Variants in RFX3 observed in about 807,000 individuals in gnomAD.
RFX3 encodes the protein regulatory factor X3.
A neutral mutation model predicts 98.6 loss-of-function variants in RFX3; 14 were observed. That is an observed-to-expected ratio of 0.14 (90% confidence interval 0.09 to 0.22). The LOEUF (loss-of-function observed/expected upper bound fraction) is 0.22. Ranked by LOEUF, RFX3 falls within the 10% of genes least tolerant of loss-of-function variation. The pLI, the probability that RFX3 is intolerant of heterozygous loss-of-function variation, is 1.00. For synonymous variants in RFX3, 383 were observed against 328.4 expected (o/e 1.17, Z -1.80); for missense variants, 639 against 926.9 (o/e 0.69, Z 4.03).
intron 15 of RFX3, among the ~76,000 whole-genome samples, chr9:3,237,203 TA>T (rs1819281071): frequency 6.6e-6 from 1 of 152,236 alleles, no homozygotes; most frequent in African/African-American, 2.4e-5. Context: ...TTTTCTTTTC[TA>T]ATTGACTTGT....
rs1824413224 is a variant in RFX3 at position 3,271,389 on chromosome 9, C to G, written c.1087-271G>C. On this transcript the variant is annotated intron_variant, in intron 9 of 16. Coordinates refer to ENST00000617270, the MANE Select transcript of RFX3 (RefSeq NM_001282116.2). Reference sequence around the variant, plus strand: ...ATTCATGCCACCCTCACTTCTACCTCTTTTTTCTTCCATTTTTCATTTTTG... The same window carrying G: ...ATTCATGCCACCCTCACTTCTACCTGTTTTTTCTTCCATTTTTCATTTTTG... Among the ~76,000 whole-genome samples the G allele has an allele frequency of 2.0e-5, 3 of 151,992 alleles. No homozygotes were observed. In the South Asian group the frequency reaches 6.2e-4, roughly 32 times the overall value.
At chr9:3,363,222 T>A (rs1474795437) in intron 2 of RFX3, among the ~76,000 whole-genome samples, 1 of 152,180 alleles carries the variant, frequency 6.6e-6, no homozygotes, top group Non-Finnish European at 1.5e-5. Flanking sequence ...GAGAGTTCTT[T>A]GTAACAGGAG....
At chr9:3,293,515 T>C (rs1233438044) in intron 5 of RFX3, among the ~76,000 whole-genome samples, 1 of 152,164 alleles carries the variant, frequency 6.6e-6, no homozygotes, top group Non-Finnish European at 1.5e-5. Context: ...GACATACTAA[T>C]TTTCCCTGTA....
chr9:3,377,621 T>C lies in RFX3; in HGVS notation c.117+17851A>G, dbSNP rs187572104. Among the ~76,000 whole-genome samples the C allele has an allele frequency of 2.4e-3, 371 of 152,292 alleles. 3 individuals carry two copies. The highest frequency in any genetic ancestry group is 0.021 in the South Asian group (100 of 4,826). ...AAAGAATATATGTTGTATGACATCA[T>C]TTATTGGAAATTCAAATAAAAGTCG... On this transcript the variant is annotated intron_variant, in intron 2 of 16. Transcript: ENST00000617270.
chr9:3,463,175 G>A (rs943286337), intron 1 of RFX3, among the ~76,000 whole-genome samples: 1 of 152,070 alleles, frequency 6.6e-6, no homozygotes, highest in Non-Finnish European at 1.5e-5. Context: ...ATAGGGTATT[G>A]TCATAAAGAC....
chr9:3,475,127 AAAGG>A (rs1049436487), intron 1 of RFX3, among the ~76,000 whole-genome samples: 25 of 151,806 alleles, frequency 1.6e-4, no homozygotes, highest in South Asian at 6.2e-4. Flanking sequence ...AGAAAAAGAA[AAAGG>A]AAGGAAGGAA....
At chr9:3,488,598 G>A (rs1029245533) in intron 1 of RFX3, among the ~76,000 whole-genome samples, 34 of 152,108 alleles carry the variant, frequency 2.2e-4, no homozygotes, top group African/African-American at 8.0e-4. Flanking sequence ...TACTACCTAT[G>A]ATAAAGATTA....
intron 2 of RFX3, among the ~76,000 whole-genome samples, chr9:3,373,869 G>A (rs927537378): frequency 3.9e-5 from 6 of 152,174 alleles, no homozygotes; most frequent in Admixed American, 2.0e-4. Flanking sequence ...ACGAAGTCAG[G>A]AGATCAAGAC....
intron 1 of RFX3, among the ~76,000 whole-genome samples, chr9:3,401,263 C>G (rs1587524125): frequency 6.6e-6 from 1 of 152,176 alleles, no homozygotes; most frequent in East Asian, 1.9e-4. Context: ...GAATATAACC[C>G]TCCCGCCAAA....
At chr9:3,365,465 T>C (rs187477472) in intron 2 of RFX3, among the ~76,000 whole-genome samples, 37 of 152,320 alleles carry the variant, frequency 2.4e-4, no homozygotes, top group African/African-American at 8.4e-4. Context: ...TTTAGAGATT[T>C]ACATTTCATG....
At chr9:3,424,593 C>A (rs1280661656) in intron 1 of RFX3, among the ~76,000 whole-genome samples, 1 of 151,710 alleles carries the variant, frequency 6.6e-6, no homozygotes, top group Non-Finnish European at 1.5e-5. Flanking sequence ...ATCTCCTGAC[C>A]TCGTGCTCCG....
At chr9:3,313,803 C>T (rs544537275) in intron 4 of RFX3, among the ~76,000 whole-genome samples, 6 of 151,998 alleles carry the variant, frequency 3.9e-5, no homozygotes, top group South Asian at 4.2e-4. Flanking sequence ...TGAAGTGAAG[C>T]GAGAAGAGAA....
At chr9:3,387,302 T>G (rs1401051692) in intron 2 of RFX3, among the ~76,000 whole-genome samples, 1 of 152,170 alleles carries the variant, frequency 6.6e-6, no homozygotes, top group African/African-American at 2.4e-5. Flanking sequence ...GCATTTAACA[T>G]AGTGCCTGGC....
intron 15 of RFX3, among the ~76,000 whole-genome samples, chr9:3,234,509 C>T (rs1818876167): frequency 6.6e-6 from 1 of 152,120 alleles, no homozygotes; most frequent in African/African-American, 2.4e-5. Context: ...GGTGTGGTGG[C>T]ACACGCCTGT....
At chr9:3,329,740 A>G (rs1198689829) in intron 4 of RFX3, among the ~76,000 whole-genome samples, 1 of 152,208 alleles carries the variant, frequency 6.6e-6, no homozygotes, top group Non-Finnish European at 1.5e-5. Context: ...TATTAAGTTA[A>G]TAATAATACA....
intron 1 of RFX3, among the ~76,000 whole-genome samples, chr9:3,449,721 T>G (rs1489790207): frequency 2.0e-5 from 3 of 151,676 alleles, no homozygotes; most frequent in Non-Finnish European, 2.9e-5. Flanking sequence ...GGTGTGGAAG[T>G]GCATATCTGT....
intron 2 of RFX3, among the ~76,000 whole-genome samples, chr9:3,368,499 A>T (rs1181351490): frequency 6.6e-6 from 1 of 152,222 alleles, no homozygotes; most frequent in African/African-American, 2.4e-5. Context: ...ATCTTAAAAA[A>T]TATAGAGAAA....
chr9:3,373,200 G>A (rs953730642), intron 2 of RFX3, among the ~76,000 whole-genome samples: 3 of 152,014 alleles, frequency 2.0e-5, no homozygotes, highest in South Asian at 4.2e-4. Context: ...TGACTACTCC[G>A]AGACAGTGAG....
chr9:3,240,858 G>A (rs1220543732), intron 15 of RFX3, among the ~76,000 whole-genome samples: 1 of 152,122 alleles, frequency 6.6e-6, no homozygotes, highest in Non-Finnish European at 1.5e-5. Flanking sequence ...GTGGCAAAGT[G>A]GCCAGTAGGT....
Sources: gnomAD v4.1 joint callset for allele counts (sites outside exome capture counted in the v4.1 genomes callset) on GRCh38, gnomAD v4.1.1 for gene constraint, MANE v1.5 for transcripts, NCBI Gene and HGNC (gene_info 2026-07-23, HGNC 2026-07-21) for gene names.